The following TRIP12 variants were observed in gnomAD, a reference collection of about 807,000 sequenced individuals.
TRIP12 encodes the protein thyroid hormone receptor interactor 12.
Under a neutral mutation model 244.2 loss-of-function variants are expected in TRIP12, and 25 were observed. The observed-to-expected ratio is 0.10, with a 90% CI of 0.07 to 0.14. The LOEUF is 0.14. TRIP12 is among the 10% of genes least tolerant of loss of function. The pLI, the probability that TRIP12 is intolerant of heterozygous loss-of-function variation, is 1.00. For missense variants in TRIP12, 1,677 were observed against 2,486.4 expected (o/e 0.67, Z 6.92); for synonymous variants, 905 against 873.1 (o/e 1.04, Z -0.64).
chr2:229,916,330 A>G (rs188395449), intron 1 of TRIP12, among the ~76,000 whole-genome samples: 9 of 152,286 alleles, frequency 5.9e-5, no homozygotes, highest in Non-Finnish European at 1.2e-4. Flanking sequence ...GAACAGTGCT[A>G]TTAAGGAAAA....
intron 4 of TRIP12, among the ~76,000 whole-genome samples, chr2:229,843,422 A>C (rs551623385): frequency 5.3e-5 from 8 of 152,216 alleles, no homozygotes; most frequent in Non-Finnish European, 8.8e-5. Flanking sequence ...CGTATCTATA[A>C]AACAAACAAA....
intron 4 of TRIP12, among the ~76,000 whole-genome samples, chr2:229,853,647 G>A (rs1441632604): frequency 6.6e-6 from 1 of 151,480 alleles, no homozygotes; most frequent in Non-Finnish European, 1.5e-5. Context: ...ACAAGAATGA[G>A]ACTCTGACTC....
intron 21 of TRIP12, among the ~76,000 whole-genome samples, chr2:229,800,152 A>T (rs1183996856): frequency 6.6e-6 from 1 of 152,250 alleles, no homozygotes; most frequent in Non-Finnish European, 1.5e-5. Flanking sequence ...CAAAATACTC[A>T]TCTGCCTCTA....
At chr2:229,774,986 C>T (rs2035768202) in intron 37 of TRIP12, among the ~76,000 whole-genome samples, 2 of 152,100 alleles carry the variant, frequency 1.3e-5, no homozygotes, top group African/African-American at 4.8e-5. Context: ...CAAAAACCAA[C>T]ATGCAAAAAT....
At chr2:229,805,358 T>C (rs2045618560) in intron 18 of TRIP12, among the ~76,000 whole-genome samples, 1 of 152,186 alleles carries the variant, frequency 6.6e-6, no homozygotes, top group Admixed American at 6.5e-5. Flanking sequence ...TTTTGTTTTT[T>C]TAATCACAAT....
At chr2:229,854,618 C>T (rs1223967597) in intron 4 of TRIP12, among the ~76,000 whole-genome samples, 1 of 152,186 alleles carries the variant, frequency 6.6e-6, no homozygotes, top group African/African-American at 2.4e-5. Flanking sequence ...TTTGGCTCTA[C>T]TCCTCAAAAT....
rs754406587 is a variant in TRIP12, at chr2:229,859,535, T to C, written c.264A>G (p.Pro88=). 5 of 1,614,120 alleles carry C rather than the reference T, an allele frequency of 3.1e-6. No individual in the cohort carries two copies. The highest frequency in any genetic ancestry group is 2.7e-5 in the African/African-American group (2 of 75,042). Residue 88 remains proline (P), a synonymous_variant, in exon 4 of 42, where the codon CCA becomes CCG. Coordinates refer to ENST00000675903, the MANE Select transcript of TRIP12 (RefSeq NM_001348323.3). ...SSSSAVIVPQ[P]EDPDRANTSE... is the part of the protein sequence containing the mutation. Reference sequence around the variant, plus strand: ...AAGTATTGGCTCTGTCTGGATCCTCTGGTTGTGGAACTATCACAGCAGATG... The same window carrying C: ...AAGTATTGGCTCTGTCTGGATCCTCCGGTTGTGGAACTATCACAGCAGATG...
intron 6 of TRIP12, among the ~76,000 whole-genome samples, chr2:229,836,246 T>C (rs1016493421): frequency 6.6e-6 from 1 of 152,244 alleles, no homozygotes; most frequent in African/African-American, 2.4e-5. Context: ...CATTTTTTTA[T>C]CAGTTGTTCA....
At chr2:229,781,116 A>C (rs2154248743) in intron 34 of TRIP12, among the ~76,000 whole-genome samples, 1 of 152,322 alleles carries the variant, frequency 6.6e-6, no homozygotes, top group South Asian at 2.1e-4. Context: ...CCTCTGCAGA[A>C]GGTGGAAGGC....
At chr2:229,870,025 T>G (rs375474570) in intron 2 of TRIP12, among the ~76,000 whole-genome samples, 6 of 152,322 alleles carry the variant, frequency 3.9e-5, no homozygotes, top group African/African-American at 1.4e-4. Flanking sequence ...ACACCAGGCT[T>G]ATCACTGTGC....
chr2:229,808,947 G>A (rs1046374030), intron 15 of TRIP12, among the ~76,000 whole-genome samples: 3 of 152,104 alleles, frequency 2.0e-5, no homozygotes, highest in African/African-American at 4.8e-5. Flanking sequence ...TGATAACCAC[G>A]CAGATGTGCT....
chr2:229,798,999 A>G lies in TRIP12; in HGVS notation c.3358T>C (p.Leu1120=). 1 of 1,614,208 alleles carries G rather than the reference A, an allele frequency of 6.2e-7. No individual in the cohort carries two copies. Among genetic ancestry groups the G allele is most frequent in the Middle Eastern group, 1.6e-4 (1 of 6,062 alleles). The change falls in exon 23 of 42, where the codon TTG becomes CTG. Residue 1120 remains leucine (L), a synonymous_variant. Coordinates refer to ENST00000675903, the MANE Select transcript of TRIP12 (RefSeq NM_001348323.3). ...QSPKSSFLAS[L]NPKTWGRLST... ...AACCTTCCCCATGTTTTTGGATTCA[A>G]GCTTGCCAGGAAAGAAGATTTAGGT...
intron 4 of TRIP12, 81 bp from the exon 5 acceptor site, chr2:229,841,008 C>T (rs1052053928): frequency 9.6e-7 from 1 of 1,038,680 alleles, no homozygotes; most frequent in Non-Finnish European, 1.4e-6. Flanking sequence ...TTCAGGTCAT[C>T]ATGTTCAAAA....
rs1160020440 is a variant in TRIP12, at chr2:229,859,023, G to A, written c.776C>T (p.Pro259Leu). 1.2e-6 allele frequency: 2 copies of A among 1,614,074 alleles called. No individual in the cohort carries two copies. Among genetic ancestry groups the A allele is most frequent in the Admixed American group, 1.7e-5 (1 of 60,000 alleles). ...SAVASASSTV[P>L]PGARVKQGKD... The stretch of plus-strand genomic sequence containing the variant: ...TCCTTGTTTCACTCTGGCACCTGGT[G>A]GTACAGTGGAGGAGGCCGAGGCTAC... Residue 259 changes from proline to leucine, a missense_variant, in exon 4 of 42, where the codon CCA (proline) becomes CTA (leucine). By Grantham distance (98) the Pro-to-Leu change is moderately conservative. Around this residue, in one of 11 missense-constraint regions of TRIP12, gnomAD observed 387 missense variants for 392.6 expected, o/e 0.99. Coordinates refer to ENST00000675903, the MANE Select transcript of TRIP12 (RefSeq NM_001348323.3).
At chr2:229,905,913 T>A (rs1422246165) in intron 1 of TRIP12, among the ~76,000 whole-genome samples, 2 of 152,248 alleles carry the variant, frequency 1.3e-5, no homozygotes, top group Non-Finnish European at 2.9e-5. Flanking sequence ...CAATGTTCAC[T>A]AATGATGGCC....
chr2:229,919,734 ATAATCT>A (rs2076147134), intron 1 of TRIP12, among the ~76,000 whole-genome samples: 2 of 152,344 alleles, frequency 1.3e-5, no homozygotes, highest in South Asian at 4.1e-4. Context: ...GGAAACAATG[ATAATCT>A]TAATTACAGT....
At position 229,796,789 on chromosome 2, in the gene TRIP12, G is replaced by C; in HGVS notation, c.3625-7C>G. On this transcript the variant is annotated splice_polypyrimidine_tract_variant and splice_region_variant and intron_variant, in intron 24 of 41. Transcript: ENST00000675903. ...ACTCAGCTCCACCATCCACCTGAAA[G>C]AGTTAGGAAAAGTATTTCTATATTG... 2 of 1,549,832 alleles carry C rather than the reference G, an allele frequency of 1.3e-6. No homozygotes were observed. Among genetic ancestry groups the C allele is most frequent in the South Asian group, 2.5e-5 (2 of 80,118 alleles).
rs2037135558 is a variant in TRIP12, at chr2:229,778,788, A to G, written c.5209+88T>C. 1.4e-6 allele frequency: 2 copies of G among 1,397,656 alleles called. No individual in the cohort carries two copies. Among genetic ancestry groups the G allele is most frequent in the Non-Finnish European group, 2.0e-6 (2 of 1,001,850 alleles). The allele number at this position is 1,397,656 out of a possible 1,614,324, so 86.6% of individuals were successfully genotyped here. On this transcript the variant is annotated intron_variant, in intron 35 of 41. Transcript: ENST00000675903. The surrounding 1 kb of genome is among the most constrained non-coding windows in gnomAD (Gnocchi z 4.1). ...TAAAAGAAAGCAAGTACAGCTGTCC[A>G]TTAGAAATTAAATATGTCTAATAAA...
intron 1 of TRIP12, 55 bp from the exon 2 acceptor site, chr2:229,880,183 A>G: frequency 8.9e-7 from 1 of 1,128,812 alleles, no homozygotes; most frequent in African/African-American, 1.6e-5. Context: ...ACAATATGGA[A>G]AAGAAATGAG....
Sources: allele counts gnomAD v4.1 joint callset (sites outside exome capture counted in the v4.1 genomes callset), GRCh38; gene constraint gnomAD v4.1.1; regional missense constraint gnomAD v4.1.1; non-coding constraint Gnocchi (gnomAD v3.1); transcripts MANE v1.5; gene names NCBI Gene and HGNC (gene_info 2026-07-23, HGNC 2026-07-21).